ANKRD30B: variants seen among roughly 807,000 people sequenced by gnomAD.
ANKRD30B encodes ankyrin repeat domain 30B, also known as ankyrin repeat domain-containing protein 30B.
In ANKRD30B, 144 loss-of-function variants were observed where a neutral mutation model predicts 202.2. The ratio of observed to expected loss-of-function variants is 0.71; its 90% CI spans 0.62 to 0.82. The LOEUF (loss-of-function observed/expected upper bound fraction) is 0.82, where lower values mean the gene tolerates loss of function less well. Among genes scored for constraint, ANKRD30B ranks in the 40% least tolerant of loss-of-function variants. The pLI is 0.00. For missense variants in ANKRD30B, 1,487 were observed against 1,669.1 expected (o/e 0.89, Z 1.90); for synonymous variants, 508 against 561.3 (o/e 0.91, Z 1.34).
the ANKRD30B span, among the ~76,000 whole-genome samples, chr18:14,926,142 G>A: frequency 7.2e-5 from 11 of 152,298 alleles, no homozygotes; most frequent in South Asian, 1.2e-3. Context: ...TGATCTCTGC[G>A]GCAGTTGGAG....
the ANKRD30B span, among the ~76,000 whole-genome samples, chr18:14,907,270 C>A: frequency 6.6e-6 from 1 of 151,596 alleles, no homozygotes; most frequent in Admixed American, 6.6e-5. Context: ...AACTAGGGAA[C>A]CTTAGAATTT....
chr18:14,854,485 C>T lies in ANKRD30B; in HGVS notation c.*327C>T, dbSNP rs76036196. ...CCAGTCTTTGCTCCAGAAATGAATC[C>T]TTATCATGAATCCCTGACACGTTCA... On this transcript the variant is annotated 3_prime_UTR_variant, in exon 44 of 44. Transcript: ENST00000690538. Among the ~76,000 whole-genome samples the T allele has an allele frequency of 0.18, 26,982 of 151,950 alleles. 2,608 individuals are homozygous for T. Among genetic ancestry groups the T allele is most frequent in the East Asian group, 0.27 (1,380 of 5,140 alleles).
rs533482869 is a variant in ANKRD30B at position 14,753,067 on chromosome 18, T to C, written c.510+55T>C. 112 of 1,396,972 alleles carry C rather than the reference T, an allele frequency of 8.0e-5. 1 individual carries two copies. The South Asian group carries it at 1.7e-3, about 21-fold the overall frequency. 86.5% of individuals were successfully genotyped at this position (1,396,972 alleles called of 1,614,324 possible). A position where few individuals can be genotyped will look rare whatever the true frequency, so the allele number is the denominator to read the frequency against. ...TATTTGAAATCCATTTGTTTTAATG[T>C]TAACATATGTAAGGCTTTTATATTT... On this transcript the variant is annotated intron_variant, in intron 3 of 43. Transcript: ENST00000690538.
At chr18:14,760,533 T>G in intron 5 of ANKRD30B, 21 bp from the exon 6 acceptor site, 1 of 1,274,802 alleles carries the variant, frequency 7.8e-7, no homozygotes, top group South Asian at 1.4e-5. Flanking sequence ...GTAATTTTAT[T>G]TATTACATTT....
chr18:14,788,253 G>C (rs113818936), intron 15 of ANKRD30B, among the ~76,000 whole-genome samples: 1,909 of 152,256 alleles, frequency 0.013, 44 homozygotes, highest in African/African-American at 0.044. Flanking sequence ...ATATTTTTAA[G>C]AGAGATACTT....
intron 15 of ANKRD30B, among the ~76,000 whole-genome samples, chr18:14,787,558 T>A (rs918327352): frequency 1.3e-5 from 2 of 152,156 alleles, no homozygotes; most frequent in African/African-American, 2.4e-5. Flanking sequence ...TATTGACATA[T>A]CTTTATTGTT....
At chr18:14,847,136 A>T (rs1971683462) in intron 39 of ANKRD30B, among the ~76,000 whole-genome samples, 1 of 141,466 alleles carries the variant, frequency 7.1e-6, no homozygotes, top group Non-Finnish European at 1.5e-5. Flanking sequence ...ATATTTCTTC[A>T]TGATTTAGTC....
the ANKRD30B span, among the ~76,000 whole-genome samples, chr18:14,869,302 A>G: frequency 6.6e-6 from 1 of 151,620 alleles, no homozygotes; most frequent in Non-Finnish European, 1.5e-5. Flanking sequence ...TCATCTTACT[A>G]GCACCTTCCA....
the ANKRD30B span, among the ~76,000 whole-genome samples, chr18:14,921,911 T>G: frequency 6.6e-6 from 1 of 152,088 alleles, no homozygotes; most frequent in Non-Finnish European, 1.5e-5. Context: ...AAAAGAAGCC[T>G]CCACCAATGG....
At chr18:14,796,583 G>T (rs1443277756) in intron 18 of ANKRD30B, among the ~76,000 whole-genome samples, 168 bp downstream of exon 18, 1 of 152,122 alleles carries the variant, frequency 6.6e-6, no homozygotes, top group Non-Finnish European at 1.5e-5. Flanking sequence ...CCATTTACAA[G>T]CATAAGATTT....
At chr18:14,867,209 C>T in the ANKRD30B span, among the ~76,000 whole-genome samples, 12 of 149,240 alleles carry the variant, frequency 8.0e-5, no homozygotes, top group Admixed American at 6.1e-4. Flanking sequence ...TGGACACTAT[C>T]GAGTGTCCAC....
the ANKRD30B span, among the ~76,000 whole-genome samples, chr18:14,864,189 G>A: frequency 6.6e-6 from 1 of 152,014 alleles, no homozygotes; most frequent in African/African-American, 2.4e-5. Flanking sequence ...TGCAAAATTA[G>A]CTGGGCGTCG....
chr18:14,752,997 C>A lies in ANKRD30B; in HGVS notation c.495C>A (p.Ile165=), dbSNP rs138054870. 2.0e-5 allele frequency: 32 copies of A among 1,593,726 alleles called. No individual in the cohort carries two copies. Among genetic ancestry groups the A allele is most frequent in the Non-Finnish European group, 2.7e-5 (32 of 1,170,424 alleles). ...VATLLSYGAV[I]EVQNKASLTP... is the part of the protein sequence containing the mutation. ...CACTGCTGTCCTATGGTGCAGTCAT[C>A]GAGGTGCAAAACAAGGTAGACATTA... The change falls in exon 3 of 44, where the codon ATC becomes ATA. Residue 165 remains isoleucine, a synonymous_variant. Coordinates refer to ENST00000690538, the MANE Select transcript of ANKRD30B (RefSeq NM_001367607.2).
At chr18:14,785,754 T>C (rs1048884719) in intron 14 of ANKRD30B, among the ~76,000 whole-genome samples, 4 of 152,162 alleles carry the variant, frequency 2.6e-5, no homozygotes, top group Admixed American at 6.5e-5. Flanking sequence ...TCAGGGATGC[T>C]GAGATCACAG....
At chr18:14,890,724 G>A in the ANKRD30B span, among the ~76,000 whole-genome samples, 2 of 143,652 alleles carry the variant, frequency 1.4e-5, no homozygotes, top group Non-Finnish European at 3.0e-5. Flanking sequence ...TCTAATTAAA[G>A]CAATTGTAAA....
At chr18:14,849,783 T>A (rs1398118778) in intron 40 of ANKRD30B, among the ~76,000 whole-genome samples, 2 of 151,738 alleles carry the variant, frequency 1.3e-5, no homozygotes, top group Non-Finnish European at 3.0e-5. Context: ...CCATATTTTA[T>A]AAGTAGAAAT....
intron 6 of ANKRD30B, among the ~76,000 whole-genome samples, chr18:14,763,485 A>C (rs1915585693): frequency 6.6e-6 from 1 of 152,036 alleles, no homozygotes; most frequent in East Asian, 1.9e-4. Context: ...GAATCGCTTG[A>C]ATTGCATTGA....
the ANKRD30B span, among the ~76,000 whole-genome samples, chr18:14,861,223 G>A: frequency 1.3e-5 from 2 of 152,162 alleles, no homozygotes; most frequent in Non-Finnish European, 2.9e-5. Flanking sequence ...AAACAATTGA[G>A]ACTACAAGGT....
intron 37 of ANKRD30B, 45 bp downstream of exon 37, chr18:14,840,723 G>A (rs1464226684): frequency 1.2e-5 from 14 of 1,172,930 alleles, no homozygotes; most frequent in Non-Finnish European, 1.6e-5. Flanking sequence ...CCAAATGTTT[G>A]TCTCAAAGCA....
Sources: allele counts gnomAD v4.1 joint callset (sites outside exome capture counted in the v4.1 genomes callset), GRCh38; gene constraint gnomAD v4.1.1; transcripts MANE v1.5; gene names NCBI Gene and HGNC (gene_info 2026-07-23, HGNC 2026-07-21).